The following KCNK13 variants were observed in gnomAD, a reference collection of about 807,000 sequenced individuals.
The protein encoded by KCNK13 is potassium two pore domain channel subfamily K member 13.
In KCNK13, 12 loss-of-function variants were observed where a neutral mutation model predicts 23.4. The ratio of observed to expected loss-of-function variants is 0.51; its 90% CI spans 0.33 to 0.83. KCNK13 has a LOEUF of 0.83. Ranked by LOEUF, KCNK13 falls within the 40% of genes least tolerant of loss-of-function variation. The pLI is 0.02. For synonymous variants in KCNK13, 231 were observed against 229.5 expected, an observed-to-expected ratio of 1.01 and a Z score of -0.06; for missense variants, 463 against 556.3, an observed-to-expected ratio of 0.83 and a Z score of 1.69.
Position 90,062,608 on chromosome 14 carries a change from A to C in KCNK13, c.334+69A>C. On this transcript the variant is annotated intron_variant, in intron 1 of 1. Transcript: ENST00000282146. The surrounding 1 kb of genome is among the most constrained non-coding windows in gnomAD (Gnocchi z 4.5). ...CCACTTCCTCCGGGGGGCAGGACCG[A>C]CCCTCTCATCCTTTCATTCATCCAT... The C allele has an allele frequency of 8.3e-7, 1 of 1,205,370 alleles. No individual in the cohort carries two copies. The highest frequency in any genetic ancestry group is 1.1e-6 in the Non-Finnish European group (1 of 892,966). The allele number at this position is 1,205,370 out of a possible 1,614,324, so 74.7% of individuals were successfully genotyped here.
chr14:90,175,973 G>A (rs1462416002), intron 1 of KCNK13, among the ~76,000 whole-genome samples: 3 of 152,126 alleles, frequency 2.0e-5, no homozygotes, highest in Non-Finnish European at 4.4e-5. Flanking sequence ...GCTTCTGACA[G>A]CCTAAGCCTG....
intron 1 of KCNK13, among the ~76,000 whole-genome samples, chr14:90,156,330 C>G (rs1890194774): frequency 6.6e-6 from 1 of 151,864 alleles, no homozygotes; most frequent in Non-Finnish European, 1.5e-5. Context: ...GGATGGGGTG[C>G]CCCAATACTT....
intron 1 of KCNK13, among the ~76,000 whole-genome samples, chr14:90,176,584 T>G (rs1348123003): frequency 6.6e-6 from 1 of 152,126 alleles, no homozygotes; most frequent in African/African-American, 2.4e-5. Context: ...ATCAAAAAGA[T>G]TGTGGGAAAG....
rs1596760741 is a variant in KCNK13 at position 90,062,852 on chromosome 14, G to C, written c.334+313G>C. On this transcript the variant is annotated intron_variant, in intron 1 of 1. Transcript: ENST00000282146. The surrounding 1 kb of genome is among the most constrained non-coding windows in gnomAD (Gnocchi z 4.5). The stretch of plus-strand genomic sequence containing the variant: ...TTGGAATGATCCTTAAATTGGAGAC[G>C]CTCTGCTCTGGGAGATTTTCAGTCT... 1.3e-5 allele frequency among the ~76,000 whole-genome samples: 2 copies of C among 152,192 alleles called. No individual in the cohort carries two copies. The highest frequency in any genetic ancestry group is 6.5e-5 in the Admixed American group (1 of 15,282).
intron 1 of KCNK13, among the ~76,000 whole-genome samples, chr14:90,180,997 C>T (rs1250807795): frequency 1.3e-5 from 2 of 152,234 alleles, no homozygotes; most frequent in Non-Finnish European, 2.9e-5. Context: ...GCTGGGACTA[C>T]AGGCACATGC....
intron 1 of KCNK13, among the ~76,000 whole-genome samples, chr14:90,080,551 A>G (rs990313929): frequency 6.6e-6 from 1 of 152,200 alleles, no homozygotes; most frequent in African/African-American, 2.4e-5. Flanking sequence ...TCAAAAAAAA[A>G]TGTTTTATTG....
chr14:90,096,171 G>C (rs563462226), intron 1 of KCNK13, among the ~76,000 whole-genome samples: 1 of 152,262 alleles, frequency 6.6e-6, no homozygotes, highest in South Asian at 2.1e-4. Flanking sequence ...TTATTATATA[G>C]ACATGATTGA....
intron 1 of KCNK13, among the ~76,000 whole-genome samples, chr14:90,128,421 C>T (rs928329989): frequency 1.3e-5 from 2 of 152,188 alleles, no homozygotes; most frequent in African/African-American, 4.8e-5. Context: ...TGGCCAGCCG[C>T]TCCCTTTCAT....
In KCNK13 at chr14:90,184,929, A is replaced by G; in HGVS notation, c.1153A>G (p.Asn385Asp). 7.4e-6 allele frequency: 12 copies of G among 1,612,766 alleles called. No homozygotes were observed. Among genetic ancestry groups the G allele is most frequent in the Non-Finnish European group, 1.0e-5 (12 of 1,179,110 alleles). ...PHQTSTLARD[N>D]EFSGGVGAFA... ...CCAGACCAGCACACTGGCCCGGGACAATGAATTCTCAGGGGGGGTGGGAGC... is the reference window on the plus strand; with the variant it reads ...CCAGACCAGCACACTGGCCCGGGACGATGAATTCTCAGGGGGGGTGGGAGC... The change falls in exon 2 of 2, where the codon AAT becomes GAT. Residue 385 changes from asparagine (N) to aspartate (D), a missense_variant. By Grantham distance (23) the Asn-to-Asp change is conservative. Around this residue, in one of 3 missense-constraint regions of KCNK13, gnomAD observed 166 missense variants for 178.8 expected, o/e 0.93. Transcript: ENST00000282146. The surrounding 1 kb of genome is among the most constrained non-coding windows in gnomAD (Gnocchi z 5.6).
intron 1 of KCNK13, among the ~76,000 whole-genome samples, chr14:90,067,061 G>A (rs886241583): frequency 1.3e-5 from 2 of 152,242 alleles, no homozygotes; most frequent in Non-Finnish European, 2.9e-5. Context: ...ACGAGGTCAG[G>A]AGTTCGAGAC....
At chr14:90,110,474 C>T (rs1039822534) in intron 1 of KCNK13, among the ~76,000 whole-genome samples, 5 of 134,150 alleles carry the variant, frequency 3.7e-5, no homozygotes, top group Non-Finnish European at 6.4e-5. Context: ...AGTGAGTCTT[C>T]GTCTCAAAAA....
chr14:90,154,415 G>T (rs2140435142), intron 1 of KCNK13, among the ~76,000 whole-genome samples: 1 of 150,152 alleles, frequency 6.7e-6, no homozygotes, highest in East Asian at 2.0e-4. Flanking sequence ...TCTACCTACA[G>T]TGCCATGGTC....
At chr14:90,116,194 T>C (rs1030003747) in intron 1 of KCNK13, among the ~76,000 whole-genome samples, 2 of 152,174 alleles carry the variant, frequency 1.3e-5, no homozygotes, top group African/African-American at 2.4e-5. Context: ...ACCACACAGA[T>C]AGAAACATAA....
intron 1 of KCNK13, among the ~76,000 whole-genome samples, chr14:90,134,232 T>G (rs1251535127): frequency 2.0e-5 from 3 of 152,182 alleles, no homozygotes; most frequent in African/African-American, 7.2e-5. Context: ...GTGTAGCCTG[T>G]GCAGTTGGTA....
At chr14:90,132,840 T>A (rs1234157944) in intron 1 of KCNK13, among the ~76,000 whole-genome samples, 2 of 152,200 alleles carry the variant, frequency 1.3e-5, no homozygotes, top group Non-Finnish European at 2.9e-5. Flanking sequence ...CAAAGCCCTG[T>A]CCCATATCTA....
intron 1 of KCNK13, among the ~76,000 whole-genome samples, chr14:90,183,840 AT>A (rs1005947446): frequency 6.6e-6 from 1 of 152,052 alleles, no homozygotes; most frequent in Non-Finnish European, 1.5e-5. Flanking sequence ...TCACCAAGCC[AT>A]TTTTTGCTGG....
chr14:90,111,573 C>T (rs1472655540), intron 1 of KCNK13, among the ~76,000 whole-genome samples: 1 of 152,034 alleles, frequency 6.6e-6, no homozygotes, highest in Admixed American at 6.6e-5. Context: ...GTGAAATGTT[C>T]GCTTTTGTTG....
intron 1 of KCNK13, among the ~76,000 whole-genome samples, chr14:90,179,930 CCT>C (rs1469136195): frequency 6.6e-6 from 1 of 152,168 alleles, no homozygotes; most frequent in African/African-American, 2.4e-5. Flanking sequence ...CCCTGCCCCC[CCT>C]CTCCGGTTTT....
intron 1 of KCNK13, among the ~76,000 whole-genome samples, chr14:90,086,274 A>G (rs1320931896): frequency 2.6e-5 from 4 of 152,176 alleles, no homozygotes; most frequent in East Asian, 1.9e-4. Flanking sequence ...CTGTGGTACT[A>G]TACAAAGAGC....
Sources: allele counts gnomAD v4.1 joint callset (sites outside exome capture counted in the v4.1 genomes callset), GRCh38; gene constraint gnomAD v4.1.1; regional missense constraint gnomAD v4.1.1; non-coding constraint Gnocchi (gnomAD v3.1); transcripts MANE v1.5; gene names NCBI Gene and HGNC (gene_info 2026-07-23, HGNC 2026-07-21).